The following SHQ1 variants were observed in gnomAD, a reference collection of about 807,000 sequenced individuals.
SHQ1 encodes protein SHQ1 homolog.
SHQ1 carries 49 observed loss-of-function variants against 53.8 expected under a neutral mutation model. That is an observed-to-expected ratio of 0.91 (90% CI 0.72 to 1.16). SHQ1 has a LOEUF of 1.16. Ranked by LOEUF, SHQ1 falls within the 50% of genes most tolerant of loss-of-function variation. The pLI is 0.00. For synonymous variants in SHQ1, 243 were observed against 251.0 expected (o/e 0.97, Z 0.30); for missense variants, 738 against 683.1 (o/e 1.08, Z -0.90).
At chr3:72,763,410 T>C (rs1180474022) in intron 10 of SHQ1, among the ~76,000 whole-genome samples, 1 of 152,214 alleles carries the variant, frequency 6.6e-6, no homozygotes, top group Non-Finnish European at 1.5e-5. Flanking sequence ...TGGATTCAAT[T>C]CAACTAAGTG....
intron 9 of SHQ1, chr3:72,809,881 C>T (rs910605197): frequency 6.6e-6 from 1 of 151,804 alleles, no homozygotes; most frequent in East Asian, 1.9e-4. Flanking sequence ...ATTTCTTGAA[C>T]CCAGGAAGCG....
chr3:72,843,781 G>A (rs1189462525), intron 2 of SHQ1, among the ~76,000 whole-genome samples: 1 of 151,864 alleles, frequency 6.6e-6, no homozygotes. Flanking sequence ...AGTTCACTGA[G>A]GTCAATATTC....
chr3:72,737,142 C>G, the SHQ1 span, among the ~76,000 whole-genome samples: 1 of 151,500 alleles, frequency 6.6e-6, no homozygotes, highest in Non-Finnish European at 1.5e-5. Flanking sequence ...GCCGGGTGTG[C>G]TGGGGTGCAT....
At position 72,751,508 on chromosome 3, in the gene SHQ1, G is replaced by GTATATATATATA. The variant is rs371779807; in HGVS notation, c.1182-684_1182-673dup. On this transcript the variant is annotated intron_variant, in intron 10 of 10. Coordinates refer to ENST00000325599, the MANE Select transcript of SHQ1 (RefSeq NM_018130.3). The stretch of plus-strand genomic sequence containing the variant: ...TGTGTGTGTGTGTGTGTGTGTGTGT[G>GTATATATATATA]TATATATATATATATATATATACAT... Among the ~76,000 whole-genome samples, 15 of 116,982 alleles carry GTATATATATATA rather than the reference G, an allele frequency of 1.3e-4. 1 individual carries two copies. The highest frequency in any genetic ancestry group is 6.2e-4 in the African/African-American group (14 of 22,608). The allele number at this position is 116,982 out of a possible 152,430, so 76.7% of individuals were successfully genotyped here. A position where few individuals can be genotyped will look rare whatever the true frequency, so the allele number is the denominator to read the frequency against.
At chr3:72,797,215 G>A (rs1033840354) in intron 9 of SHQ1, among the ~76,000 whole-genome samples, 7 of 152,154 alleles carry the variant, frequency 4.6e-5, no homozygotes, top group South Asian at 2.1e-4. Flanking sequence ...CTAAGATCAC[G>A]CCATTGCACT....
chr3:72,815,536 T>C lies in SHQ1; in HGVS notation c.883-133A>G, dbSNP rs909195578. The C allele has an allele frequency of 8.3e-6, 5 of 600,404 alleles. No individual in the cohort carries two copies. The African/African-American group carries it at 9.3e-5, about 11-fold the overall frequency. The allele number at this position is 600,404 out of a possible 1,614,324, so 37.2% of individuals were successfully genotyped here. On this transcript the variant is annotated intron_variant, in intron 7 of 10. Transcript: ENST00000325599. ...GAGAACTAAGAAGTGTTCACGACTA[T>C]AGAAAAATAATTATTTTGCTGATAC...
Position 72,826,300 on chromosome 3 carries a change from T to C in SHQ1, c.600-1749A>G, listed in dbSNP as rs554729250. On this transcript the variant is annotated intron_variant, in intron 5 of 10. Coordinates refer to ENST00000325599, the MANE Select transcript of SHQ1 (RefSeq NM_018130.3). Reference sequence around the variant, plus strand: ...TAATCCTGCTAAGCCTATTTTCTTATTAGCTATCTCTTTCTCCTTAAAGTG... The same window carrying C: ...TAATCCTGCTAAGCCTATTTTCTTACTAGCTATCTCTTTCTCCTTAAAGTG... Among the ~76,000 whole-genome samples the C allele has an allele frequency of 4.6e-5, 7 of 152,354 alleles. No individual in the cohort carries two copies. The South Asian group carries it at 1.4e-3, about 32-fold the overall frequency.
chr3:72,844,299 T>C, intron 2 of SHQ1, 60 bp downstream of exon 2: 1 of 1,370,292 alleles, frequency 7.3e-7, no homozygotes. Context: ...TGTAAGATTA[T>C]TATGTAAATA....
intron 10 of SHQ1, among the ~76,000 whole-genome samples, chr3:72,755,902 ATTTC>A (rs1705488305): frequency 6.6e-6 from 1 of 152,154 alleles, no homozygotes; most frequent in African/African-American, 2.4e-5. Context: ...GGTACTATTT[ATTTC>A]TTTATTTAGA....
intron 10 of SHQ1, chr3:72,772,539 C>A: frequency 1.5e-6 from 1 of 663,402 alleles, no homozygotes; most frequent in Non-Finnish European, 2.9e-6. Flanking sequence ...ACAACCTAAG[C>A]TTTAGAGCAT....
At chr3:72,817,928 C>A (rs1029485659) in intron 6 of SHQ1, among the ~76,000 whole-genome samples, 1 of 152,030 alleles carries the variant, frequency 6.6e-6, no homozygotes, top group African/African-American at 2.4e-5. Context: ...ACATCACATA[C>A]GTTAGACTTG....
chr3:72,754,499 C>T (rs903733870), intron 10 of SHQ1, among the ~76,000 whole-genome samples: 5 of 151,870 alleles, frequency 3.3e-5, no homozygotes, highest in Non-Finnish European at 5.9e-5. Context: ...CTCCTGCCTC[C>T]GCCTCCCGAG....
chr3:72,774,572 A>C (rs1705917766), intron 10 of SHQ1, among the ~76,000 whole-genome samples: 1 of 152,342 alleles, frequency 6.6e-6, no homozygotes, highest in East Asian at 1.9e-4. Context: ...ATATTTCCAA[A>C]ATTTCATGAG....
At chr3:72,755,934 T>C (rs569936645) in intron 10 of SHQ1, among the ~76,000 whole-genome samples, 1 of 152,246 alleles carries the variant, frequency 6.6e-6, no homozygotes, top group South Asian at 2.1e-4. Context: ...TCTCGCTTTA[T>C]TGCCTGGGCT....
Position 72,823,237 on chromosome 3 carries a change from A to G in SHQ1, c.727+1187T>C, listed in dbSNP as rs183011546. Among the ~76,000 whole-genome samples the G allele has an allele frequency of 2.6e-4, 39 of 152,214 alleles. 1 individual carries two copies. The East Asian group carries it at 7.5e-3, about 29-fold the overall frequency. On this transcript the variant is annotated intron_variant, in intron 6 of 10. Transcript: ENST00000325599. ...TATTTTCTAAAATATTATAGTAGCA[A>G]TTTTTTGATCTGGTAGAACTCACCT...
intron 10 of SHQ1, among the ~76,000 whole-genome samples, chr3:72,775,698 T>C (rs982560882): frequency 6.6e-6 from 1 of 152,134 alleles, no homozygotes; most frequent in Non-Finnish European, 1.5e-5. Context: ...TAATACATCA[T>C]AATCAAGATA....
chr3:72,793,861 C>A (rs1706519805), intron 9 of SHQ1: 1 of 152,266 alleles, frequency 6.6e-6, no homozygotes, highest in East Asian at 1.9e-4. Context: ...CAGAAATAAG[C>A]TGACAAAACT....
chr3:72,783,062 T>C (rs951136194), intron 10 of SHQ1, among the ~76,000 whole-genome samples: 5 of 152,138 alleles, frequency 3.3e-5, no homozygotes, highest in African/African-American at 1.2e-4. Flanking sequence ...AAATAGCAAT[T>C]TGCTTACTCT....
intron 9 of SHQ1, among the ~76,000 whole-genome samples, chr3:72,804,242 G>A (rs1293759734): frequency 6.6e-6 from 1 of 152,048 alleles, no homozygotes; most frequent in Admixed American, 6.6e-5. Flanking sequence ...ATGTTTTTAA[G>A]GGAGTCTCCC....
Sources: allele counts gnomAD v4.1 joint callset (sites outside exome capture counted in the v4.1 genomes callset), GRCh38; gene constraint gnomAD v4.1.1; transcripts MANE v1.5; gene names NCBI Gene and HGNC (gene_info 2026-07-23, HGNC 2026-07-21).